RYR1: variants seen among roughly 807,000 people sequenced by gnomAD.
RYR1 encodes the protein ryanodine receptor 1.
Under a neutral mutation model 583.5 loss-of-function variants are expected in RYR1, and 342 were observed. The ratio of observed to expected loss-of-function variants is 0.59; its 90% CI spans 0.54 to 0.64. The LOEUF (loss-of-function observed/expected upper bound fraction) is 0.64, where lower values mean the gene tolerates loss of function less well. Ranked by LOEUF, RYR1 falls within the 30% of genes least tolerant of loss-of-function variation. RYR1 has a pLI of 0.00. For missense variants in RYR1, 6,032 were observed against 6,917.2 expected (o/e 0.87, Z 4.54); for synonymous variants, 2,791 against 2,822.5 (o/e 0.99, Z 0.35).
chr19:38,512,359 G>A lies in RYR1; in HGVS notation c.9348G>A (p.Ser3116=), dbSNP rs763655831. Residue 3116 remains serine (S), a synonymous_variant, in exon 63 of 106, where the codon TCG becomes TCA. Coordinates refer to ENST00000359596, the MANE Select transcript of RYR1 (RefSeq NM_000540.3). The surrounding 1 kb of genome is among the most constrained non-coding windows in gnomAD (Gnocchi z 5.1). ...AGAACCTGCGGCTGGGCAAGGTGTC[G>A]CAGGCGCGCACCCAGGTGAAAGGCG... The part of the protein sequence containing the change: ...MVENLRLGKV[S]QARTQVKGVG... 42 of 1,614,120 alleles carry A rather than the reference G, an allele frequency of 2.6e-5. No individual in the cohort carries two copies. The highest frequency in any genetic ancestry group is 8.0e-5 in the African/African-American group (6 of 75,058).
chr19:38,507,721 G>A lies in RYR1; in HGVS notation c.8826G>A (p.Lys2942=), dbSNP rs1287336898. The A allele has an allele frequency of 1.2e-6, 2 of 1,608,894 alleles. No homozygotes were observed. The highest frequency in any genetic ancestry group is 1.7e-6 in the Non-Finnish European group (2 of 1,175,396). The change falls in exon 58 of 106, where the codon AAG becomes AAA. Residue 2942 remains lysine, a synonymous_variant. Transcript: ENST00000359596. ...MNGYAVTRGL[K]DMELDSSSIE... Reference sequence around the variant, plus strand: ...CCACATCTCCATGCAGAGGCCTTAAGGACATGGAACTGGACTCGTCTTCCA... The same window carrying A: ...CCACATCTCCATGCAGAGGCCTTAAAGACATGGAACTGGACTCGTCTTCCA...
At position 38,444,678 on chromosome 19, in the gene RYR1, G is replaced by T. The variant is rs374937694; in HGVS notation, c.631+1G>T. 1.9e-6 allele frequency: 3 copies of T among 1,611,332 alleles called. No individual in the cohort carries two copies. Among genetic ancestry groups the T allele is most frequent in the Non-Finnish European group, 8.5e-7 (1 of 1,178,802 alleles). Reference sequence around the variant, plus strand: ...CCCATCTGCTCCCGCTGCGAAGAGGGTGAGGGCCCCAGACCTCCCCCTAAA... The same window carrying T: ...CCCATCTGCTCCCGCTGCGAAGAGGTTGAGGGCCCCAGACCTCCCCCTAAA... On this transcript the variant is annotated splice_donor_variant, in intron 7 of 105. Coordinates refer to ENST00000359596, the MANE Select transcript of RYR1 (RefSeq NM_000540.3). LOFTEE classifies it high-confidence loss of function. This position sits in a 1 kb window ranked among gnomAD's most constrained non-coding sequence, Gnocchi z 5.1.
intron 33 of RYR1, 70 bp from the exon 34 acceptor site, chr19:38,485,520 A>G (rs912940413): frequency 6.4e-7 from 1 of 1,550,868 alleles, no homozygotes. Flanking sequence ...AAATGGAGGA[A>G]GAGATGGTGG....
rs202245843 is a variant in RYR1 at position 38,527,712 on chromosome 19, G to A, written c.10752G>A (p.Glu3584=). 2.5e-6 allele frequency: 4 copies of A among 1,614,152 alleles called. No homozygotes were observed. In the Admixed American group the frequency reaches 6.7e-5, roughly 27 times the overall value. ...ALYRGVPGRE[E]DADDPEKIVR... ...ACCGGGGCGTCCCGGGTCGCGAGGA[G>A]GACGCCGATGACCCCGAGAAAATCG... The change falls in exon 73 of 106, where the codon GAG becomes GAA. Residue 3584 remains glutamate (E), a synonymous_variant. Coordinates refer to ENST00000359596, the MANE Select transcript of RYR1 (RefSeq NM_000540.3).
At chr19:38,583,890 G>A (rs1246531954) in intron 101 of RYR1, among the ~76,000 whole-genome samples, 1 of 152,006 alleles carries the variant, frequency 6.6e-6, no homozygotes, top group Non-Finnish European at 1.5e-5. Flanking sequence ...ACATGCCCAG[G>A]CCCTGCCTCA....
At chr19:38,517,783 G>A (rs1325169680) in intron 66 of RYR1, 92 bp downstream of exon 66, 75 of 1,216,518 alleles carry the variant, frequency 6.2e-5, no homozygotes, top group Middle Eastern at 1.9e-4. Flanking sequence ...TGGTCCCCTC[G>A]GAGTTGGGAG....
At chr19:38,435,367 G>A (rs1265028264) in intron 1 of RYR1, among the ~76,000 whole-genome samples, 4 of 152,182 alleles carry the variant, frequency 2.6e-5, no homozygotes, top group African/African-American at 9.7e-5. Flanking sequence ...TGGAGGCTTG[G>A]CCCTGGAATC....
In RYR1 at chr19:38,543,491, T is replaced by G. The variant is rs1048486222; in HGVS notation, c.11779-41T>G. 2 of 1,614,010 alleles carry G rather than the reference T, an allele frequency of 1.2e-6. No individual in the cohort carries two copies. Among genetic ancestry groups the G allele is most frequent in the African/African-American group, 2.7e-5 (2 of 74,918 alleles). On this transcript the variant is annotated intron_variant, in intron 85 of 105. Coordinates refer to ENST00000359596, the MANE Select transcript of RYR1 (RefSeq NM_000540.3). The surrounding 1 kb of genome is among the most constrained non-coding windows in gnomAD (Gnocchi z 4.4). ...TGGGTCGGGGGCTGCAGGGCCATGGTCGGCCCCAGCACCCCCTCACACCCT... is the reference window on the plus strand; with the variant it reads ...TGGGTCGGGGGCTGCAGGGCCATGGGCGGCCCCAGCACCCCCTCACACCCT...
Position 38,448,801 on chromosome 19 carries a change from G to A in RYR1, c.1110G>A (p.Val370=). The A allele has an allele frequency of 6.2e-7, 1 of 1,613,912 alleles. No individual in the cohort carries two copies. Among genetic ancestry groups the A allele is most frequent in the Non-Finnish European group, 8.5e-7 (1 of 1,180,004 alleles). The change falls in exon 11 of 106, where the codon GTG becomes GTA. Residue 370 remains valine (V), a synonymous_variant. Transcript: ENST00000359596. ...ACCCCAAGGCCCTGCGGCTCGGCGT[G>A]CTCAAGAAGAAGGTGGGTGTAATCC... ...APDPKALRLG[V]LKKKAMLHQE... is the part of the protein sequence containing the mutation.
intron 89 of RYR1, among the ~76,000 whole-genome samples, chr19:38,558,222 G>T (rs996907198): frequency 6.6e-6 from 1 of 151,888 alleles, no homozygotes; most frequent in Non-Finnish European, 1.5e-5. Flanking sequence ...AAGACGGGAG[G>T]ATCACTTGAG....
chr19:38,549,952 C>T (rs940604833), intron 89 of RYR1, among the ~76,000 whole-genome samples: 6 of 149,578 alleles, frequency 4.0e-5, no homozygotes, highest in African/African-American at 1.5e-4. Flanking sequence ...GATGGGATTT[C>T]ACCATGTTGG....
intron 37 of RYR1, 136 bp from the exon 38 acceptor site, chr19:38,492,354 C>G (rs1969585861): frequency 3.3e-6 from 3 of 903,120 alleles, no homozygotes; most frequent in Non-Finnish European, 5.0e-6. Context: ...GAACAAGACA[C>G]TGTCTCAAAA....
chr19:38,464,797 C>T (rs1968006738), intron 23 of RYR1, 75 bp downstream of exon 23: 12 of 1,372,872 alleles, frequency 8.7e-6, no homozygotes, highest in Admixed American at 4.0e-5. Flanking sequence ...CTGGGGAGGT[C>T]GAGGGGTCTT....
chr19:38,505,201 G>C, intron 52 of RYR1, 108 bp from the exon 53 acceptor site: 9 of 1,188,114 alleles, frequency 7.6e-6, no homozygotes, highest in African/African-American at 1.5e-5. Flanking sequence ...AAGACCCTTA[G>C]CTTGTTCTGG....
chr19:38,535,913 C>A, intron 81 of RYR1, 84 bp from the exon 82 acceptor site: 1 of 1,244,624 alleles, frequency 8.0e-7, no homozygotes. Context: ...TCCAGGCTAC[C>A]ATGGTGGGGA....
rs772127119 is a variant in RYR1 at position 38,499,618 on chromosome 19, C to T, written c.7028-17C>T. 1.4e-5 allele frequency: 23 copies of T among 1,596,848 alleles called. No homozygotes were observed. In the Admixed American group the frequency reaches 3.7e-4, roughly 25 times the overall value. On this transcript the variant is annotated splice_polypyrimidine_tract_variant and intron_variant, in intron 43 of 105. Coordinates refer to ENST00000359596, the MANE Select transcript of RYR1 (RefSeq NM_000540.3). This position sits in a 1 kb window ranked among gnomAD's most constrained non-coding sequence, Gnocchi z 7.3. ...ATGGTGGCTCATGAGACCCCCTTTC[C>T]CCATGCGGGTGGCCAGGCGAGAGCG...
chr19:38,505,396 A>G lies in RYR1; in HGVS notation c.8398A>G (p.Lys2800Glu). 1 of 1,605,854 alleles carries G rather than the reference A, an allele frequency of 6.2e-7. No individual in the cohort carries two copies. Among genetic ancestry groups the G allele is most frequent in the Non-Finnish European group, 8.5e-7 (1 of 1,174,886 alleles). Residue 2800 changes from lysine (K) to glutamate (E), a missense_variant and splice_region_variant, in exon 53 of 106, where the codon AAG becomes GAG. Transcript: ENST00000359596. ...GAGGCCCTACAAGACCTTTTCAGAG[A>G]AGGTGACCAGGCCTTGGGGCCCAGC... ...MLRPYKTFSE[K>E]DKEIYRWPIK...
intron 76 of RYR1, among the ~76,000 whole-genome samples, chr19:38,531,031 G>A (rs1971717255): frequency 7.5e-6 from 1 of 132,498 alleles, no homozygotes; most frequent in Non-Finnish European, 1.6e-5. Context: ...ACAGGGTTTC[G>A]CCATGTTGTC....
chr19:38,504,825 G>A lies in RYR1; in HGVS notation c.8145G>A (p.Val2715=). 6.2e-7 allele frequency: 1 copy of A among 1,614,078 alleles called. No homozygotes were observed. Among genetic ancestry groups the A allele is most frequent in the South Asian group, 1.1e-5 (1 of 91,076 alleles). ...CCGGGGCTCTGCCCCCCGACTATGT[G>A]GATGCCTCATACTCATCTAAGGCAG... ...AIAGALPPDY[V]DASYSSKAEK... Residue 2715 remains valine, a synonymous_variant, in exon 51 of 106, where the codon GTG becomes GTA. Coordinates refer to ENST00000359596, the MANE Select transcript of RYR1 (RefSeq NM_000540.3).
Sources: gnomAD v4.1 joint callset for allele counts (sites outside exome capture counted in the v4.1 genomes callset) on GRCh38, gnomAD v4.1.1 for gene constraint, Gnocchi (gnomAD v3.1) non-coding constraint, MANE v1.5 for transcripts, NCBI Gene and HGNC (gene_info 2026-07-23, HGNC 2026-07-21) for gene names.